The following NRXN1 variants were observed in gnomAD, a reference collection of about 807,000 sequenced individuals.
The protein encoded by NRXN1 is neurexin 1.
In NRXN1, 39 loss-of-function variants were observed where a neutral mutation model predicts 150.9. The ratio of observed to expected loss-of-function variants is 0.26; its 90% confidence interval spans 0.20 to 0.34. The LOEUF (loss-of-function observed/expected upper bound fraction) is 0.34. Ranked by LOEUF, NRXN1 falls within the 10% of genes least tolerant of loss-of-function variation. The probability of loss-of-function intolerance (pLI) is 1.00; values close to 1 mark genes in which losing one functional copy is unlikely to be tolerated. For missense variants in NRXN1, 1,815 were observed against 1,949.9 expected (o/e 0.93, Z 1.30); for synonymous variants, 924 against 757.0 (o/e 1.22, Z -3.62).
intron 17 of NRXN1, among the ~76,000 whole-genome samples, chr2:50,292,628 G>T (rs185022747): frequency 6.6e-6 from 1 of 152,236 alleles, no homozygotes; most frequent in Non-Finnish European, 1.5e-5. Context: ...CTCTGGAGTT[G>T]CTCCAGCAAC....
chr2:50,136,198 G>A (rs1706379419), intron 18 of NRXN1, among the ~76,000 whole-genome samples: 1 of 152,162 alleles, frequency 6.6e-6, no homozygotes, highest in African/African-American at 2.4e-5. Context: ...TGTAGAGGGA[G>A]AGCATATTCA....
chr2:50,060,608 A>G (rs1378168205), intron 19 of NRXN1, among the ~76,000 whole-genome samples: 1 of 152,190 alleles, frequency 6.6e-6, no homozygotes, highest in East Asian at 1.9e-4. Context: ...CTCATCTTGA[A>G]TTCTAGCTCC....
intron 18 of NRXN1, among the ~76,000 whole-genome samples, chr2:50,161,298 T>C (rs764378507): frequency 1.2e-4 from 19 of 152,160 alleles, no homozygotes; most frequent in Admixed American, 1.1e-3. Context: ...ATTTCCATTA[T>C]GAGGAAAATA....
intron 16 of NRXN1, among the ~76,000 whole-genome samples, chr2:50,467,500 T>C (rs1255401583): frequency 6.6e-6 from 1 of 151,622 alleles, no homozygotes; most frequent in East Asian, 1.9e-4. Context: ...TATAAATAGA[T>C]GATTTTGAAA....
At chr2:50,507,858 A>G (rs1283736747) in intron 12 of NRXN1, among the ~76,000 whole-genome samples, 1 of 152,034 alleles carries the variant, frequency 6.6e-6, no homozygotes, top group East Asian at 1.9e-4. Flanking sequence ...ATTGAGTTTC[A>G]TGTCTTTCAA....
chr2:50,181,340 T>C (rs2060701000), intron 18 of NRXN1, among the ~76,000 whole-genome samples: 1 of 152,114 alleles, frequency 6.6e-6, no homozygotes, highest in Admixed American at 6.6e-5. Context: ...TGTTTATTAA[T>C]TTTTTGTCCC....
chr2:51,024,032 C>T (rs570602637), intron 2 of NRXN1, among the ~76,000 whole-genome samples: 2 of 152,306 alleles, frequency 1.3e-5, no homozygotes, highest in African/African-American at 4.8e-5. Flanking sequence ...ATCTGGAAAT[C>T]ATGAGAATTA....
chr2:50,342,809 G>A (rs1250209697), intron 17 of NRXN1, among the ~76,000 whole-genome samples: 1 of 152,232 alleles, frequency 6.6e-6, no homozygotes, highest in African/African-American at 2.4e-5. Context: ...ATTGCTCTGG[G>A]CTATGGGCCA....
intron 8 of NRXN1, among the ~76,000 whole-genome samples, chr2:50,578,922 C>T (rs1432619487): frequency 9.9e-5 from 15 of 152,132 alleles, no homozygotes; most frequent in Admixed American, 9.8e-4. Flanking sequence ...AACTTGCTCT[C>T]AACACTGAGG....
At chr2:50,469,631 G>T (rs1424629302) in intron 16 of NRXN1, among the ~76,000 whole-genome samples, 1 of 151,220 alleles carries the variant, frequency 6.6e-6, no homozygotes, top group Non-Finnish European at 1.5e-5. Flanking sequence ...AACTGTACCT[G>T]TAACAGGTAA....
intron 17 of NRXN1, among the ~76,000 whole-genome samples, chr2:50,378,273 A>T (rs2080676864): frequency 6.6e-6 from 1 of 152,192 alleles, no homozygotes; most frequent in South Asian, 2.1e-4. Context: ...CAATAAGTAG[A>T]TGCTGATATT....
At chr2:50,212,765 A>C (rs979614242) in intron 18 of NRXN1, among the ~76,000 whole-genome samples, 1 of 151,916 alleles carries the variant, frequency 6.6e-6, no homozygotes, top group Non-Finnish European at 1.5e-5. Context: ...TCAATCACAC[A>C]CAGCCCCTTT....
chr2:50,783,271 G>C (rs1574461271), intron 5 of NRXN1, among the ~76,000 whole-genome samples: 1 of 152,128 alleles, frequency 6.6e-6, no homozygotes, highest in South Asian at 2.1e-4. Flanking sequence ...ATAATTCTTG[G>C]CCAACCCAAG....
chr2:50,589,823 C>T (rs1673823073), intron 8 of NRXN1, among the ~76,000 whole-genome samples: 1 of 152,112 alleles, frequency 6.6e-6, no homozygotes, highest in Non-Finnish European at 1.5e-5. Context: ...ACTGCAAATG[C>T]CTATGATTTG....
At chr2:50,337,000 A>C (rs2077228394) in intron 17 of NRXN1, among the ~76,000 whole-genome samples, 1 of 152,228 alleles carries the variant, frequency 6.6e-6, no homozygotes, top group Non-Finnish European at 1.5e-5. Flanking sequence ...CTAGAGGAGA[A>C]ACAAAATGCT....
At chr2:51,021,896 G>A (rs1424226579) in intron 2 of NRXN1, among the ~76,000 whole-genome samples, 1 of 152,018 alleles carries the variant, frequency 6.6e-6, no homozygotes, top group South Asian at 2.1e-4. Context: ...TGAAAGCATA[G>A]TTTCTACATA....
At chr2:50,814,997 T>C (rs1668723347) in intron 5 of NRXN1, among the ~76,000 whole-genome samples, 1 of 152,068 alleles carries the variant, frequency 6.6e-6, no homozygotes, top group South Asian at 2.1e-4. Context: ...TAGAACTATG[T>C]CATAGAATCA....
At chr2:50,715,382 C>A (rs1038419477) in intron 5 of NRXN1, among the ~76,000 whole-genome samples, 1 of 152,068 alleles carries the variant, frequency 6.6e-6, no homozygotes, top group African/African-American at 2.4e-5. Context: ...CCTTCAGTTT[C>A]TATTGCCTGT....
intron 8 of NRXN1, among the ~76,000 whole-genome samples, chr2:50,606,773 T>C (rs569374846): frequency 7.4e-4 from 112 of 152,168 alleles, no homozygotes; most frequent in Non-Finnish European, 9.1e-4. Context: ...AGTTTTAGAA[T>C]TGAAAAAAGT....
Sources: gnomAD v4.1 joint callset for allele counts (sites outside exome capture counted in the v4.1 genomes callset) on GRCh38, gnomAD v4.1.1 for gene constraint, MANE v1.5 for transcripts, NCBI Gene and HGNC (gene_info 2026-07-23, HGNC 2026-07-21) for gene names.